Variants in MYO16 observed in about 807,000 individuals in gnomAD.
The protein encoded by MYO16 is myosin XVI, also known as unconventional myosin-XVI.
In MYO16, 94 loss-of-function variants were observed where a neutral mutation model predicts 205.3. The observed-to-expected ratio is 0.46, with a 90% CI of 0.39 to 0.54. MYO16 has a LOEUF of 0.54. Ranked by LOEUF, MYO16 falls within the 20% of genes least tolerant of loss-of-function variation. MYO16 has a pLI of 0.00. For missense variants in MYO16, 2,315 were observed against 2,387.5 expected (o/e 0.97, Z 0.63); for synonymous variants, 988 against 954.0 (o/e 1.04, Z -0.66).
At position 108,714,201 on chromosome 13, in the gene MYO16, A is replaced by G. The variant is rs567544149; in HGVS notation, c.363+1470A>G. ...CGCCTGAGTAGCTGGGACTACAGGC[A>G]CCCGCCATCACGCCCAGCGAATTTT... On this transcript the variant is annotated intron_variant, in intron 3 of 34. Coordinates refer to ENST00000457511, the MANE Select transcript of MYO16 (RefSeq NM_001198950.3). Among the ~76,000 whole-genome samples, 147 of 152,096 alleles carry G rather than the reference A, an allele frequency of 9.7e-4. 1 individual carries two copies. Among genetic ancestry groups the G allele is most frequent in the African/African-American group, 2.4e-3 (99 of 41,518 alleles).
chr13:109,098,778 A>G (rs920353697), intron 27 of MYO16, among the ~76,000 whole-genome samples: 3 of 152,164 alleles, frequency 2.0e-5, no homozygotes, highest in African/African-American at 7.2e-5. Context: ...TGGTCCAACC[A>G]CTGAGCTGGT....
chr13:108,856,116 A>G (rs1240301980), intron 11 of MYO16, among the ~76,000 whole-genome samples: 3 of 152,216 alleles, frequency 2.0e-5, no homozygotes, highest in Admixed American at 2.0e-4. Flanking sequence ...CTGCGGTTCT[A>G]TCGTTATTTG....
intron 4 of MYO16, among the ~76,000 whole-genome samples, chr13:108,743,944 A>T (rs1884984228): frequency 1.3e-5 from 2 of 152,204 alleles, no homozygotes; most frequent in South Asian, 4.1e-4. Flanking sequence ...TACCCTTTTC[A>T]TCACTTCAAT....
chr13:109,153,079 A>G (rs1159739235), intron 32 of MYO16, among the ~76,000 whole-genome samples: 1 of 152,188 alleles, frequency 6.6e-6, no homozygotes, highest in Admixed American at 6.5e-5. Context: ...TTCACAAAAC[A>G]CGACGTATCC....
At chr13:108,694,481 C>T (rs1258129618) in intron 2 of MYO16, among the ~76,000 whole-genome samples, 4 of 152,060 alleles carry the variant, frequency 2.6e-5, no homozygotes, top group Non-Finnish European at 1.5e-5. Context: ...ATAATCATCC[C>T]ATTTCCCAAG....
intron 32 of MYO16, among the ~76,000 whole-genome samples, chr13:109,148,364 G>A (rs966760071): frequency 1.3e-5 from 2 of 152,268 alleles, no homozygotes; most frequent in East Asian, 1.9e-4. Flanking sequence ...GTGCAAGCAG[G>A]AGGCCTATAA....
intron 20 of MYO16, among the ~76,000 whole-genome samples, chr13:108,981,570 A>G (rs1884448961): frequency 6.6e-6 from 1 of 152,236 alleles, no homozygotes; most frequent in Non-Finnish European, 1.5e-5. Flanking sequence ...TGTCACTGCC[A>G]TGTGAATAAG....
At chr13:108,931,062 C>A (rs890866886) in intron 16 of MYO16, among the ~76,000 whole-genome samples, 3 of 152,316 alleles carry the variant, frequency 2.0e-5, no homozygotes, top group Non-Finnish European at 2.9e-5. Flanking sequence ...AATCGCTGGG[C>A]TCCCCTGTAA....
At chr13:109,092,774 A>G (rs1888661928) in intron 27 of MYO16, among the ~76,000 whole-genome samples, 1 of 152,212 alleles carries the variant, frequency 6.6e-6, no homozygotes, top group African/African-American at 2.4e-5. Context: ...TGACTGCATA[A>G]GCTGTTTTTA....
chr13:109,081,772 G>C (rs754604912), intron 27 of MYO16, among the ~76,000 whole-genome samples: 1 of 152,130 alleles, frequency 6.6e-6, no homozygotes, highest in Non-Finnish European at 1.5e-5. Context: ...GAAAATGAGA[G>C]AAAGGTAGAA....
intron 16 of MYO16, among the ~76,000 whole-genome samples, chr13:108,956,382 C>G (rs1371987072): frequency 6.6e-6 from 1 of 152,146 alleles, no homozygotes; most frequent in African/African-American, 2.4e-5. Context: ...CCACACACTC[C>G]CCTTACTTGC....
intron 20 of MYO16, among the ~76,000 whole-genome samples, chr13:108,965,637 C>G (rs1883764009): frequency 6.6e-6 from 1 of 152,080 alleles, no homozygotes; most frequent in Admixed American, 6.5e-5. Context: ...AACTCCTGAC[C>G]TCAGGTGATC....
intron 33 of MYO16, among the ~76,000 whole-genome samples, chr13:109,178,238 C>A (rs1057374132): frequency 2.0e-5 from 3 of 152,134 alleles, no homozygotes; most frequent in African/African-American, 7.2e-5. Flanking sequence ...CCACGTAGCA[C>A]CTGAGGCTAC....
intron 21 of MYO16, among the ~76,000 whole-genome samples, chr13:108,999,123 T>C (rs913926472): frequency 6.6e-6 from 1 of 152,186 alleles, no homozygotes; most frequent in African/African-American, 2.4e-5. Flanking sequence ...GTTGCTATAT[T>C]AGTCTAAGTA....
intron 32 of MYO16, among the ~76,000 whole-genome samples, chr13:109,155,907 G>T (rs1005912005): frequency 1.3e-5 from 2 of 152,038 alleles, no homozygotes; most frequent in Non-Finnish European, 2.9e-5. Context: ...TTTCTGAGAG[G>T]CAATAACACA....
the MYO16 span, among the ~76,000 whole-genome samples, chr13:108,530,631 C>A: frequency 1.3e-5 from 2 of 152,066 alleles, no homozygotes; most frequent in Admixed American, 6.6e-5. Flanking sequence ...TTGATCACTG[C>A]CATATTCACA....
chr13:109,025,886 A>G (rs78205788), intron 23 of MYO16, among the ~76,000 whole-genome samples: 2,574 of 152,332 alleles, frequency 0.017, 74 homozygotes, highest in African/African-American at 0.059. Flanking sequence ...ATGAAAATGT[A>G]GGTCAAAAGT....
intron 1 of MYO16, among the ~76,000 whole-genome samples, chr13:108,642,201 A>G (rs1250106864): frequency 1.3e-5 from 2 of 152,152 alleles, no homozygotes; most frequent in Non-Finnish European, 2.9e-5. Context: ...TCACCCAACT[A>G]TACAATCAGC....
intron 1 of MYO16, chr13:108,596,285 A>T (rs1265090093): frequency 6.6e-6 from 1 of 152,216 alleles, no homozygotes; most frequent in Non-Finnish European, 1.5e-5. Context: ...GAAGAACAGG[A>T]GAAATCCATG....
Sources: gnomAD v4.1 joint callset for allele counts (sites outside exome capture counted in the v4.1 genomes callset) on GRCh38, gnomAD v4.1.1 for gene constraint, MANE v1.5 for transcripts, NCBI Gene and HGNC (gene_info 2026-07-23, HGNC 2026-07-21) for gene names.